The following ELAVL2 variants were observed in gnomAD, a reference collection of about 807,000 sequenced individuals.
The protein encoded by ELAVL2 is ELAV-like protein 2.
A neutral mutation model predicts 34.6 loss-of-function variants in ELAVL2; 4 were observed. That is an observed-to-expected ratio of 0.12 (90% CI 0.06 to 0.26). The LOEUF is 0.26. ELAVL2 is among the 10% of genes least tolerant of loss of function. The probability of loss-of-function intolerance (pLI) is 1.00; values close to 1 mark genes in which losing one functional copy is unlikely to be tolerated. For synonymous variants in ELAVL2, 193 were observed against 154.8 expected, an observed-to-expected ratio of 1.25 and a Z score of -1.83; for missense variants, 432 against 442.8, an observed-to-expected ratio of 0.98 and a Z score of 0.22.
chr9:23,849,117 A>C, the ELAVL2 span, among the ~76,000 whole-genome samples: 5 of 152,320 alleles, frequency 3.3e-5, no homozygotes, highest in African/African-American at 1.2e-4. Context: ...TTCTTGGAAA[A>C]TGAATGAGAA....
intron 1 of ELAVL2, among the ~76,000 whole-genome samples, chr9:23,811,231 C>T (rs1374985685): frequency 6.6e-6 from 1 of 151,876 alleles, no homozygotes; most frequent in Non-Finnish European, 1.5e-5. Flanking sequence ...AACAAGAACA[C>T]AAATTATTCC....
At chr9:23,767,575 G>C (rs1156516559) in intron 1 of ELAVL2, among the ~76,000 whole-genome samples, 2 of 152,148 alleles carry the variant, frequency 1.3e-5, no homozygotes, top group African/African-American at 4.8e-5. Flanking sequence ...GAGGTCAGAA[G>C]TTCAAGACCA....
intron 5 of ELAVL2, among the ~76,000 whole-genome samples, chr9:23,694,837 A>G (rs1223973020): frequency 6.6e-6 from 1 of 152,112 alleles, no homozygotes; most frequent in Non-Finnish European, 1.5e-5. Flanking sequence ...ATGACAAAAG[A>G]TCTTCGTGTG....
intron 1 of ELAVL2, among the ~76,000 whole-genome samples, chr9:23,806,505 A>C (rs1001916752): frequency 3.3e-5 from 5 of 152,062 alleles, no homozygotes; most frequent in Non-Finnish European, 7.4e-5. Flanking sequence ...GTTGCAGTAA[A>C]GCATGCCTAT....
intron 3 of ELAVL2, among the ~76,000 whole-genome samples, chr9:23,722,032 T>C (rs544956390): frequency 3.1e-4 from 47 of 152,258 alleles, no homozygotes; most frequent in African/African-American, 9.9e-4. Flanking sequence ...CTCTGTCTCA[T>C]TGCCCAAAAG....
chr9:23,833,583 A>C, the ELAVL2 span, among the ~76,000 whole-genome samples: 1 of 151,846 alleles, frequency 6.6e-6, no homozygotes, highest in Non-Finnish European at 1.5e-5. Context: ...ATGAACATAA[A>C]ATCTTTTAGC....
intron 4 of ELAVL2, among the ~76,000 whole-genome samples, chr9:23,703,947 T>C (rs955571834): frequency 6.6e-6 from 1 of 152,130 alleles, no homozygotes; most frequent in Non-Finnish European, 1.5e-5. Context: ...TTTTTTGAAA[T>C]GGAGTTTTGC....
At chr9:23,764,112 AT>A (rs2055683009) in intron 1 of ELAVL2, among the ~76,000 whole-genome samples, 1 of 152,124 alleles carries the variant, frequency 6.6e-6, no homozygotes, top group African/African-American at 2.4e-5. Flanking sequence ...CACAGCAAAA[AT>A]TCTTCTGGGG....
chr9:23,730,893 A>G, intron 3 of ELAVL2, 129 bp downstream of exon 3: 2 of 830,374 alleles, frequency 2.4e-6, no homozygotes, highest in Non-Finnish European at 3.6e-6. Context: ...ACAAACACCA[A>G]AATTCCACTA....
intron 2 of ELAVL2, among the ~76,000 whole-genome samples, chr9:23,736,056 A>T (rs1022285308): frequency 1.3e-5 from 2 of 152,198 alleles, no homozygotes; most frequent in Non-Finnish European, 2.9e-5. Context: ...ATTTTAATTA[A>T]AAATACACAA....
intron 1 of ELAVL2, among the ~76,000 whole-genome samples, chr9:23,808,088 T>G (rs994437715): frequency 6.6e-6 from 1 of 152,120 alleles, no homozygotes; most frequent in Non-Finnish European, 1.5e-5. Context: ...TCAAGGAGAA[T>G]AGAGTTTAAT....
At chr9:23,722,519 G>C (rs540986775) in intron 3 of ELAVL2, among the ~76,000 whole-genome samples, 1 of 152,288 alleles carries the variant, frequency 6.6e-6, no homozygotes, top group South Asian at 2.1e-4. Context: ...CCACTCTCTG[G>C]CACCTAAGAG....
At chr9:23,777,988 G>A (rs1387476562) in intron 1 of ELAVL2, among the ~76,000 whole-genome samples, 1 of 151,906 alleles carries the variant, frequency 6.6e-6, no homozygotes, top group African/African-American at 2.4e-5. Context: ...GGCCTACTCT[G>A]AACATTCTTC....
intron 1 of ELAVL2, among the ~76,000 whole-genome samples, chr9:23,771,795 T>C (rs1354973626): frequency 6.6e-6 from 1 of 151,820 alleles, no homozygotes; most frequent in Non-Finnish European, 1.5e-5. Flanking sequence ...AAAATGGGAG[T>C]AAACTTTAAA....
At chr9:23,799,584 A>G (rs148765956) in intron 1 of ELAVL2, among the ~76,000 whole-genome samples, 331 of 152,302 alleles carry the variant, frequency 2.2e-3, no homozygotes, top group African/African-American at 2.9e-3. Flanking sequence ...TTCCAACTTA[A>G]TAAGATTAAT....
intron 2 of ELAVL2, among the ~76,000 whole-genome samples, chr9:23,742,283 G>A (rs183490900): frequency 4.1e-4 from 62 of 152,188 alleles, no homozygotes; most frequent in African/African-American, 1.4e-3. Flanking sequence ...TCTGCCCCCC[G>A]ACCAAGCTAA....
chr9:23,696,045 C>T (rs1409896446), intron 5 of ELAVL2, among the ~76,000 whole-genome samples: 3 of 152,136 alleles, frequency 2.0e-5, no homozygotes, highest in Non-Finnish European at 2.9e-5. Flanking sequence ...TTACATGATA[C>T]CATGATCTTC....
intron 3 of ELAVL2, among the ~76,000 whole-genome samples, chr9:23,715,194 T>TCTGTCACCCAGG (rs1043424643): frequency 3.2e-4 from 48 of 152,154 alleles, no homozygotes; most frequent in African/African-American, 1.2e-3. Flanking sequence ...AGAGTCTCAC[T>TCTGTCACCCAGG]CTGGAGTGCA....
At chr9:23,734,448 A>G (rs1345398563) in intron 2 of ELAVL2, among the ~76,000 whole-genome samples, 2 of 152,216 alleles carry the variant, frequency 1.3e-5, no homozygotes, top group Non-Finnish European at 2.9e-5. Flanking sequence ...GCAGGGAGGA[A>G]GTAGTAAAGT....
Sources: allele counts gnomAD v4.1 joint callset (sites outside exome capture counted in the v4.1 genomes callset), GRCh38; gene constraint gnomAD v4.1.1; transcripts MANE v1.5; gene names NCBI Gene and HGNC (gene_info 2026-07-23, HGNC 2026-07-21).